The following ATXN2 variants were observed in gnomAD, a reference collection of about 807,000 sequenced individuals.
ATXN2 encodes ataxin-2.
ATXN2 carries 37 observed loss-of-function variants against 138.6 expected under a neutral mutation model. The observed-to-expected ratio is 0.27, with a 90% CI of 0.21 to 0.35. The LOEUF (loss-of-function observed/expected upper bound fraction) is 0.35, where lower values mean the gene tolerates loss of function less well. ATXN2 is among the 10% of genes least tolerant of loss of function. ATXN2 has a pLI of 1.00. For synonymous variants in ATXN2, 549 were observed against 543.7 expected, an observed-to-expected ratio of 1.01 and a Z score of -0.13; for missense variants, 1,216 against 1,480.3, an observed-to-expected ratio of 0.82 and a Z score of 2.93.
chr12:111,572,317 C>T (rs1203854485), intron 1 of ATXN2, among the ~76,000 whole-genome samples: 1 of 151,840 alleles, frequency 6.6e-6, no homozygotes, highest in Non-Finnish European at 1.5e-5. Context: ...AGGAGAATCA[C>T]TTGAACCTGG....
At position 111,459,668 on chromosome 12, in the gene ATXN2, G is replaced by A. The variant is rs150097925; in HGVS notation, c.2897-2309C>T. Among the ~76,000 whole-genome samples the A allele has an allele frequency of 2.0e-4, 31 of 152,092 alleles. No homozygotes were observed. The East Asian group carries it at 6.0e-3, about 29-fold the overall frequency. The stretch of plus-strand genomic sequence containing the variant: ...TTGGCCAGGCTGGTCTCGAACTACT[G>A]GCCTCAAGTGATCCATCCGCCTCGG... On this transcript the variant is annotated intron_variant, in intron 21 of 24. Transcript: ENST00000673436.
chr12:111,589,271 C>A (rs1346719871), intron 1 of ATXN2, among the ~76,000 whole-genome samples: 1 of 151,472 alleles, frequency 6.6e-6, no homozygotes, highest in Non-Finnish European at 1.5e-5. Context: ...GCCGAGATCA[C>A]ATCACTGCAT....
chr12:111,545,116 G>A (rs1881735068), intron 5 of ATXN2, among the ~76,000 whole-genome samples: 2 of 152,002 alleles, frequency 1.3e-5, no homozygotes, highest in Non-Finnish European at 2.9e-5. Context: ...CCAAGATAGT[G>A]CCACTGCACT....
At chr12:111,560,165 C>G (rs565006345) in intron 1 of ATXN2, among the ~76,000 whole-genome samples, 1 of 152,076 alleles carries the variant, frequency 6.6e-6, no homozygotes, top group East Asian at 1.9e-4. Context: ...AATGCAGGCC[C>G]TCCATATCTG....
At chr12:111,508,648 T>C (rs929183083) in intron 14 of ATXN2, among the ~76,000 whole-genome samples, 1 of 151,992 alleles carries the variant, frequency 6.6e-6, no homozygotes, top group Non-Finnish European at 1.5e-5. Context: ...GGTTTCACCA[T>C]GTTGACCAGG....
intron 1 of ATXN2, among the ~76,000 whole-genome samples, chr12:111,581,151 A>G (rs1013269063): frequency 6.6e-6 from 1 of 151,950 alleles, no homozygotes; most frequent in Admixed American, 6.6e-5. Flanking sequence ...AAAAAAAAAA[A>G]AAAGAAATGT....
chr12:111,483,403 T>C lies in ATXN2; in HGVS notation c.2524+1862A>G, dbSNP rs151140090. On this transcript the variant is annotated intron_variant, in intron 18 of 24. Transcript: ENST00000673436. ...TAGCAGTTAATCACTCTAAATTAAC[T>C]GGTTGGCAAAAAAAAAACCCTTTAG... 2.8e-4 allele frequency among the ~76,000 whole-genome samples: 37 copies of C among 132,044 alleles called. No individual in the cohort carries two copies. In the East Asian group the frequency reaches 7.8e-3, roughly 28 times the overall value. The allele number at this position is 132,044 out of a possible 152,430, so 86.6% of individuals were successfully genotyped here. A position where few individuals can be genotyped will look rare whatever the true frequency, so the allele number is the denominator to read the frequency against.
At chr12:111,574,523 G>T (rs1950963214) in intron 1 of ATXN2, among the ~76,000 whole-genome samples, 1 of 151,772 alleles carries the variant, frequency 6.6e-6, no homozygotes, top group Non-Finnish European at 1.5e-5. Context: ...CAATTCCTGG[G>T]TTTAAGTGAC....
At chr12:111,517,401 C>G (rs559753767) in intron 9 of ATXN2, among the ~76,000 whole-genome samples, 1 of 152,262 alleles carries the variant, frequency 6.6e-6, no homozygotes, top group Non-Finnish European at 1.5e-5. Flanking sequence ...GGAGAAAAGA[C>G]TCAATGAAAA....
intron 5 of ATXN2, among the ~76,000 whole-genome samples, chr12:111,546,726 A>C (rs888901614): frequency 6.6e-6 from 1 of 152,238 alleles, no homozygotes; most frequent in African/African-American, 2.4e-5. Context: ...AGATAACAGG[A>C]CAATTCCAAA....
At chr12:111,536,579 C>T (rs949839843) in intron 5 of ATXN2, among the ~76,000 whole-genome samples, 1 of 152,092 alleles carries the variant, frequency 6.6e-6, no homozygotes, top group African/African-American at 2.4e-5. Context: ...CCCAGGAAAT[C>T]AGCCTGTGCA....
At chr12:111,567,574 G>A (rs1883082824) in intron 1 of ATXN2, among the ~76,000 whole-genome samples, 4 of 151,772 alleles carry the variant, frequency 2.6e-5, no homozygotes, top group African/African-American at 9.7e-5. Flanking sequence ...AGCACTTTGG[G>A]AGACCAAGGC....
chr12:111,595,594 A>T (rs1408175411), intron 1 of ATXN2, among the ~76,000 whole-genome samples: 1 of 151,478 alleles, frequency 6.6e-6, no homozygotes, highest in Non-Finnish European at 1.5e-5. Context: ...GTGAGCTGAG[A>T]TCGTACCACT....
chr12:111,467,991 T>C (rs1439426315), intron 20 of ATXN2, among the ~76,000 whole-genome samples: 3 of 152,226 alleles, frequency 2.0e-5, no homozygotes, highest in Admixed American at 6.5e-5. Context: ...CCAAATGCAA[T>C]GGAAATTTTA....
At chr12:111,458,627 C>T (rs1875313587) in intron 21 of ATXN2, among the ~76,000 whole-genome samples, 1 of 152,172 alleles carries the variant, frequency 6.6e-6, no homozygotes, top group African/African-American at 2.4e-5. Context: ...TCCTAAAATC[C>T]CTCAAGATAA....
chr12:111,552,136 C>A lies in ATXN2; in HGVS notation c.571+144G>T. 4.8e-6 allele frequency: 4 copies of A among 836,058 alleles called. No individual in the cohort carries two copies. The highest frequency in any genetic ancestry group is 6.9e-6 in the Non-Finnish European group (4 of 582,738). 51.8% of individuals were successfully genotyped at this position (836,058 alleles called of 1,614,324 possible). On this transcript the variant is annotated intron_variant, in intron 5 of 24. Coordinates refer to ENST00000673436, the MANE Select transcript of ATXN2 (RefSeq NM_001372574.1). The surrounding 1 kb of genome is among the most constrained non-coding windows in gnomAD (Gnocchi z 4.1). ...CCTCAGGTGATCCACCCGCCTCAGCCTCCCTAAGTGCTAAGATTACAGGAA... is the reference window on the plus strand; with the variant it reads ...CCTCAGGTGATCCACCCGCCTCAGCATCCCTAAGTGCTAAGATTACAGGAA...
At chr12:111,497,678 A>G (rs1169319515) in intron 14 of ATXN2, among the ~76,000 whole-genome samples, 2 of 151,656 alleles carry the variant, frequency 1.3e-5, no homozygotes, top group Non-Finnish European at 2.9e-5. Flanking sequence ...ATCACATGAT[A>G]TAAATATATA....
chr12:111,460,741 C>G (rs1405053637), intron 21 of ATXN2, among the ~76,000 whole-genome samples: 1 of 151,866 alleles, frequency 6.6e-6, no homozygotes, highest in Admixed American at 6.6e-5. Context: ...AGTTATTCAT[C>G]AACTGGAAAA....
intron 23 of ATXN2, chr12:111,455,359 C>T (rs1875003345): frequency 4.1e-6 from 2 of 487,932 alleles, no homozygotes. Flanking sequence ...ACAGCAACCA[C>T]TGAGATGGCA....
Sources: gnomAD v4.1 joint callset for allele counts (sites outside exome capture counted in the v4.1 genomes callset) on GRCh38, gnomAD v4.1.1 for gene constraint, Gnocchi (gnomAD v3.1) non-coding constraint, MANE v1.5 for transcripts, NCBI Gene and HGNC (gene_info 2026-07-23, HGNC 2026-07-21) for gene names.